TMX3: variants seen among roughly 807,000 people sequenced by gnomAD.
TMX3 encodes protein disulfide-isomerase TMX3.
A neutral mutation model predicts 64.4 loss-of-function variants in TMX3; 40 were observed. That is an observed-to-expected ratio of 0.62 (90% CI 0.48 to 0.81). The LOEUF (loss-of-function observed/expected upper bound fraction) is 0.81, where lower values mean the gene tolerates loss of function less well. Ranked by LOEUF, TMX3 falls within the 30% of genes least tolerant of loss-of-function variation. The probability of loss-of-function intolerance (pLI) is 0.00; values close to 1 mark genes in which losing one functional copy is unlikely to be tolerated. For synonymous variants in TMX3, 189 were observed against 175.7 expected (o/e 1.08, Z -0.60); for missense variants, 497 against 534.5 (o/e 0.93, Z 0.69).
intron 12 of TMX3, 52 bp from the exon 13 acceptor site, chr18:68,683,033 A>G (rs766823222): frequency 4.1e-5 from 55 of 1,329,070 alleles, no homozygotes; most frequent in Non-Finnish European, 5.1e-5. Context: ...GGGTGGGGGG[A>G]GAGAGAGAGA....
intron 6 of TMX3, among the ~76,000 whole-genome samples, chr18:68,698,536 G>C (rs1205830164): frequency 6.6e-6 from 1 of 151,812 alleles, no homozygotes; most frequent in Non-Finnish European, 1.5e-5. Context: ...AATCCAAAGA[G>C]TATAAAAAGC....
At chr18:68,714,899 G>A (rs373822949) in intron 1 of TMX3, 37 bp downstream of exon 1, 4 of 1,548,298 alleles carry the variant, frequency 2.6e-6, no homozygotes, top group Non-Finnish European at 3.5e-6. Flanking sequence ...CAGGTCCCAC[G>A]CGCCCGCCAG....
At chr18:68,693,491 C>A (rs902242291) in intron 8 of TMX3, among the ~76,000 whole-genome samples, 1 of 151,994 alleles carries the variant, frequency 6.6e-6, no homozygotes, top group Non-Finnish European at 1.5e-5. Flanking sequence ...ACTCTCCCTG[C>A]TCCTGGCGCC....
In TMX3 at chr18:68,697,486, C is replaced by T. The variant is rs114274963; in HGVS notation, c.493-183G>A. The T allele has an allele frequency of 3.3e-3, 1,357 of 417,474 alleles. 19 individuals carry two copies. The highest frequency in any genetic ancestry group is 0.025 in the African/African-American group (1,200 of 48,436). 25.9% of individuals were successfully genotyped at this position (417,474 alleles called of 1,614,324 possible). ...AAATTGTTTCCAAGGCAAAGGCCAA[C>T]GTAATTAAGAGCTTTTATCTTTCTG... On this transcript the variant is annotated intron_variant, in intron 7 of 15. Coordinates refer to ENST00000299608, the MANE Select transcript of TMX3 (RefSeq NM_019022.5).
At chr18:68,698,650 TCAAAG>T (rs1213904041) in intron 6 of TMX3, among the ~76,000 whole-genome samples, 2 of 152,244 alleles carry the variant, frequency 1.3e-5, no homozygotes, top group Non-Finnish European at 2.9e-5. Flanking sequence ...CAAGCATTTT[TCAAAG>T]CAAATAGATT....
intron 14 of TMX3, among the ~76,000 whole-genome samples, chr18:68,680,334 C>T (rs1011988407): frequency 6.6e-6 from 1 of 152,104 alleles, no homozygotes; most frequent in African/African-American, 2.4e-5. Context: ...ATGCTGGTCA[C>T]AACCTGATTG....
intron 6 of TMX3, among the ~76,000 whole-genome samples, chr18:68,699,028 A>G (rs1400239897): frequency 4.6e-5 from 7 of 152,096 alleles, no homozygotes; most frequent in Non-Finnish European, 7.4e-5. Context: ...CCTCAAAAAA[A>G]AAAAAACCAA....
intron 13 of TMX3, 37 bp from the exon 14 acceptor site, chr18:68,681,147 C>A: frequency 1.3e-6 from 2 of 1,488,914 alleles, no homozygotes; most frequent in Admixed American, 2.1e-5. Flanking sequence ...ATACATTAAA[C>A]ACAGCAATAG....
At chr18:68,713,643 A>G (rs1489526929) in intron 2 of TMX3, among the ~76,000 whole-genome samples, 2 of 152,340 alleles carry the variant, frequency 1.3e-5, no homozygotes, top group East Asian at 1.9e-4. Flanking sequence ...AAGAATATGT[A>G]AAAGTTTGCC....
rs538911672 is a variant in TMX3 at position 68,714,695 on chromosome 18, C to A, written c.46+241G>T. Among the ~76,000 whole-genome samples the A allele has an allele frequency of 3.3e-5, 5 of 152,380 alleles. No individual in the cohort carries two copies. In the South Asian group the frequency reaches 1.0e-3, roughly 32 times the overall value. ...CAATGAGAAAAACACAAACACAAGG[C>A]AGCGCGCCCTTCCCACGTCCAGCAT... On this transcript the variant is annotated intron_variant, in intron 1 of 15. Coordinates refer to ENST00000299608, the MANE Select transcript of TMX3 (RefSeq NM_019022.5).
At chr18:68,679,574 A>T (rs763213313) in intron 14 of TMX3, 43 bp from the exon 15 acceptor site, 1 of 1,531,268 alleles carries the variant, frequency 6.5e-7, no homozygotes, top group Non-Finnish European at 8.9e-7. Flanking sequence ...AAGCACCATT[A>T]CTTCATTTAC....
intron 9 of TMX3, among the ~76,000 whole-genome samples, chr18:68,690,641 T>C (rs1248670896): frequency 6.6e-6 from 1 of 152,176 alleles, no homozygotes; most frequent in African/African-American, 2.4e-5. Context: ...ATAAAGCACA[T>C]GGTGATGAAA....
intron 8 of TMX3, among the ~76,000 whole-genome samples, chr18:68,692,403 T>A (rs970474180): frequency 6.6e-6 from 1 of 152,194 alleles, no homozygotes; most frequent in Non-Finnish European, 1.5e-5. Flanking sequence ...TTCAACCATC[T>A]TCTATTACTG....
chr18:68,701,509 G>A lies in TMX3; in HGVS notation c.311+236C>T, dbSNP rs1033060348. ...TATGACTGTATACTTGTCCTGCACA[G>A]TGCGTGTCACACAGCAAGCAAAACA... On this transcript the variant is annotated intron_variant, in intron 5 of 15. Transcript: ENST00000299608. 7.4e-5 allele frequency: 59 copies of A among 801,100 alleles called. No homozygotes were observed. The Middle Eastern group carries it at 1.5e-3, about 20-fold the overall frequency. 49.6% of individuals were successfully genotyped at this position (801,100 alleles called of 1,614,324 possible). A position where few individuals can be genotyped will look rare whatever the true frequency, so the allele number is the denominator to read the frequency against.
intron 3 of TMX3, among the ~76,000 whole-genome samples, chr18:68,710,721 A>G (rs2031191066): frequency 6.6e-6 from 1 of 152,206 alleles, no homozygotes; most frequent in South Asian, 2.1e-4. Flanking sequence ...CCCCTAATTA[A>G]GTGATGTTAC....
At chr18:68,677,819 C>T (rs899031756) in intron 15 of TMX3, among the ~76,000 whole-genome samples, 6 of 151,966 alleles carry the variant, frequency 3.9e-5, no homozygotes, top group Non-Finnish European at 5.9e-5. Context: ...AAAAAGATCA[C>T]TTTGGATTGA....
chr18:68,713,724 G>A, intron 2 of TMX3, 122 bp downstream of exon 2: 2 of 453,762 alleles, frequency 4.4e-6, no homozygotes, highest in Non-Finnish European at 7.4e-6. Context: ...TACAACAAGT[G>A]AAAAAAATGA....
chr18:68,709,229 T>C (rs1409519272), intron 4 of TMX3, among the ~76,000 whole-genome samples: 1 of 152,158 alleles, frequency 6.6e-6, no homozygotes, highest in Non-Finnish European at 1.5e-5. Context: ...GAGCGAGGAT[T>C]TGAATCAAAA....
At chr18:68,687,593 C>A in intron 10 of TMX3, 74 bp downstream of exon 10, 1 of 1,531,822 alleles carries the variant, frequency 6.5e-7, no homozygotes, top group South Asian at 1.3e-5. Context: ...AATTCATTTC[C>A]TACAAAATAA....
Sources: gnomAD v4.1 joint callset for allele counts (sites outside exome capture counted in the v4.1 genomes callset) on GRCh38, gnomAD v4.1.1 for gene constraint, MANE v1.5 for transcripts, NCBI Gene and HGNC (gene_info 2026-07-23, HGNC 2026-07-21) for gene names.